The following CCDC91 variants were observed in gnomAD, a reference collection of about 807,000 sequenced individuals.
CCDC91 encodes the protein coiled-coil domain-containing protein 91.
In CCDC91, 48 loss-of-function variants were observed where a neutral mutation model predicts 63.2. The ratio of observed to expected loss-of-function variants is 0.76; its 90% confidence interval spans 0.60 to 0.97. The LOEUF (loss-of-function observed/expected upper bound fraction) is 0.97, where lower values mean the gene tolerates loss of function less well. Ranked by LOEUF, CCDC91 falls within the 50% of genes least tolerant of loss-of-function variation. The probability of loss-of-function intolerance (pLI) is 0.00; values close to 1 mark genes in which losing one functional copy is unlikely to be tolerated. For missense variants in CCDC91, 500 were observed against 494.6 expected (o/e 1.01, Z -0.10); for synonymous variants, 167 against 165.8 (o/e 1.01, Z -0.06).
chr12:28,283,905 A>G (rs1948753210), intron 3 of CCDC91, among the ~76,000 whole-genome samples: 1 of 152,152 alleles, frequency 6.6e-6, no homozygotes, highest in African/African-American at 2.4e-5. Context: ...TGGATTAGGG[A>G]TGCACAATCT....
intron 1 of CCDC91, among the ~76,000 whole-genome samples, chr12:28,193,883 G>C (rs4931732): frequency 0.72 from 108,979 of 152,238 alleles, 39,277 homozygotes; most frequent in East Asian, 0.95. Context: ...TCGTTTGTTC[G>C]TTTTTAATAG....
At position 28,475,786 on chromosome 12, in the gene CCDC91, T is replaced by A. The variant is rs1239969083; in HGVS notation, c.1102-8266T>A. Among the ~76,000 whole-genome samples the A allele has an allele frequency of 2.0e-5, 3 of 152,012 alleles. No individual in the cohort carries two copies. In the East Asian group the frequency reaches 5.8e-4, roughly 29 times the overall value. ...GATGTGGCCCTTGGTCTTCGACTTCTCAGGCTCCAGAACCATGAGGCAAAC... is the reference window on the plus strand; with the variant it reads ...GATGTGGCCCTTGGTCTTCGACTTCACAGGCTCCAGAACCATGAGGCAAAC... On this transcript the variant is annotated intron_variant, in intron 11 of 12. Transcript: ENST00000536442.
At chr12:28,435,139 G>C (rs1258682220) in intron 8 of CCDC91, among the ~76,000 whole-genome samples, 1 of 151,182 alleles carries the variant, frequency 6.6e-6, no homozygotes, top group Non-Finnish European at 1.5e-5. Context: ...CAATTTCATT[G>C]ATTTCTGCTC....
intron 12 of CCDC91, among the ~76,000 whole-genome samples, chr12:28,495,624 C>G (rs73265445): frequency 1.3e-5 from 2 of 151,686 alleles, no homozygotes; most frequent in Non-Finnish European, 2.9e-5. Flanking sequence ...TTTTACCTTT[C>G]GAGGAGCAAT....
intron 12 of CCDC91, among the ~76,000 whole-genome samples, chr12:28,500,819 TC>T (rs1260695354): frequency 2.6e-5 from 4 of 151,706 alleles, no homozygotes. Flanking sequence ...CTTGGAATGT[TC>T]CCTGCCCTCC....
chr12:28,511,081 C>T (rs1592905544), intron 12 of CCDC91, among the ~76,000 whole-genome samples: 2 of 152,038 alleles, frequency 1.3e-5, no homozygotes, highest in Admixed American at 1.3e-4. Flanking sequence ...TACCACCTTT[C>T]TTCACTGTAT....
chr12:28,491,985 GT>G (rs952523586), intron 12 of CCDC91, among the ~76,000 whole-genome samples: 3 of 149,790 alleles, frequency 2.0e-5, no homozygotes, highest in African/African-American at 7.3e-5. Flanking sequence ...GTGTGTGTCT[GT>G]TTGAAGGACC....
intron 3 of CCDC91, among the ~76,000 whole-genome samples, chr12:28,265,207 C>T (rs1170593925): frequency 6.6e-6 from 1 of 151,958 alleles, no homozygotes; most frequent in Non-Finnish European, 1.5e-5. Flanking sequence ...AGTGTCCTTT[C>T]TAATATGTTT....
intron 11 of CCDC91, among the ~76,000 whole-genome samples, chr12:28,482,274 A>G (rs1220524222): frequency 7.0e-6 from 1 of 142,458 alleles, no homozygotes; most frequent in Non-Finnish European, 1.6e-5. Context: ...CAGATGCTGA[A>G]TAGTTTTATT....
intron 1 of CCDC91, among the ~76,000 whole-genome samples, chr12:28,238,332 T>C (rs1254202135): frequency 6.6e-6 from 1 of 152,184 alleles, no homozygotes; most frequent in Non-Finnish European, 1.5e-5. Flanking sequence ...TAGTGTGATA[T>C]ATAACCTTGT....
intron 1 of CCDC91, among the ~76,000 whole-genome samples, chr12:28,224,197 G>A (rs190466081): frequency 5.9e-4 from 90 of 152,190 alleles, no homozygotes; most frequent in Non-Finnish European, 1.2e-3. Flanking sequence ...CCAACTCCAG[G>A]TCATAATGCA....
At chr12:28,223,368 T>G (rs1205327955) in intron 1 of CCDC91, among the ~76,000 whole-genome samples, 1 of 152,164 alleles carries the variant, frequency 6.6e-6, no homozygotes, top group Admixed American at 6.5e-5. Context: ...TATTTCCATA[T>G]GTAAATGAGT....
At chr12:28,375,191 C>G (rs1303216182) in intron 7 of CCDC91, among the ~76,000 whole-genome samples, 1 of 151,674 alleles carries the variant, frequency 6.6e-6, no homozygotes, top group Non-Finnish European at 1.5e-5. Flanking sequence ...ACCATGGAAC[C>G]TATTCATAAG....
intron 6 of CCDC91, among the ~76,000 whole-genome samples, chr12:28,330,870 C>T (rs1941443299): frequency 6.6e-6 from 1 of 152,138 alleles, no homozygotes; most frequent in African/African-American, 2.4e-5. Context: ...GATTACTTCT[C>T]ATACTTCAAA....
At chr12:28,234,821 G>A (rs945091331) in intron 1 of CCDC91, among the ~76,000 whole-genome samples, 7 of 150,290 alleles carry the variant, frequency 4.7e-5, no homozygotes, top group Admixed American at 2.7e-4. Flanking sequence ...CTTTTCTATT[G>A]TTATAAATAG....
intron 1 of CCDC91, among the ~76,000 whole-genome samples, chr12:28,212,925 G>A (rs1013866599): frequency 6.6e-6 from 1 of 152,166 alleles, no homozygotes; most frequent in Non-Finnish European, 1.5e-5. Context: ...GCCACTCTGG[G>A]TCTTCAAAGA....
At chr12:28,310,512 A>G (rs968858797) in intron 6 of CCDC91, among the ~76,000 whole-genome samples, 3 of 152,180 alleles carry the variant, frequency 2.0e-5, no homozygotes, top group Non-Finnish European at 4.4e-5. Flanking sequence ...TTTAGGACCT[A>G]TAGGCTTCTC....
intron 12 of CCDC91, among the ~76,000 whole-genome samples, chr12:28,492,559 A>G (rs1952069017): frequency 1.3e-5 from 2 of 151,548 alleles, no homozygotes; most frequent in Non-Finnish European, 3.0e-5. Flanking sequence ...AACTTCCTGT[A>G]TACTAGCAAT....
chr12:28,516,058 TGA>T (rs1270331297), intron 12 of CCDC91, among the ~76,000 whole-genome samples: 1 of 152,010 alleles, frequency 6.6e-6, no homozygotes, highest in African/African-American at 2.4e-5. Context: ...CTTCTGACAT[TGA>T]AGCATTTCAT....
Sources: gnomAD v4.1 joint callset for allele counts (sites outside exome capture counted in the v4.1 genomes callset) on GRCh38, gnomAD v4.1.1 for gene constraint, MANE v1.5 for transcripts, NCBI Gene and HGNC (gene_info 2026-07-23, HGNC 2026-07-21) for gene names.